RAB30: variants seen among roughly 807,000 people sequenced by gnomAD.
The protein encoded by RAB30 is ras-related protein Rab-30.
In RAB30, 9 loss-of-function variants were observed where a neutral mutation model predicts 25.1. The observed-to-expected ratio is 0.36, with a 90% CI of 0.22 to 0.63. The LOEUF is 0.63. RAB30 is among the 20% of genes least tolerant of loss of function. The probability of loss-of-function intolerance (pLI) is 0.69; values close to 1 mark genes in which losing one functional copy is unlikely to be tolerated. For synonymous variants in RAB30, 77 were observed against 86.4 expected (o/e 0.89, Z 0.60); for missense variants, 140 against 243.5 (o/e 0.58, Z 2.83).
chr11:83,061,398 A>G (rs888453156), intron 1 of RAB30, among the ~76,000 whole-genome samples: 1 of 152,158 alleles, frequency 6.6e-6, no homozygotes, highest in African/African-American at 2.4e-5. Context: ...GATCAGAAAA[A>G]TTTTTTAAAA....
chr11:83,014,692 A>AAGAAAGAG (rs1565277255), intron 1 of RAB30, among the ~76,000 whole-genome samples: 4 of 138,550 alleles, frequency 2.9e-5, no homozygotes, highest in African/African-American at 5.6e-5. Flanking sequence ...GAAAGAAAGA[A>AAGAAAGAG]AGAGAAAGGA....
chr11:83,064,484 C>T (rs1023978896), intron 1 of RAB30, among the ~76,000 whole-genome samples: 11 of 152,194 alleles, frequency 7.2e-5, no homozygotes, highest in Non-Finnish European at 1.6e-4. Context: ...GATTTGGGAA[C>T]AGCTAATGTT....
chr11:82,998,707 T>G (rs1226194590), intron 1 of RAB30, among the ~76,000 whole-genome samples: 1 of 139,876 alleles, frequency 7.1e-6, no homozygotes, highest in African/African-American at 2.8e-5. Flanking sequence ...AAAAGTTAAA[T>G]AATGAAAAAA....
At chr11:83,020,135 T>C (rs999084311) in intron 1 of RAB30, among the ~76,000 whole-genome samples, 1 of 152,132 alleles carries the variant, frequency 6.6e-6, no homozygotes, top group African/African-American at 2.4e-5. Context: ...GGCCTCCCAC[T>C]CCACGGAGCA....
intron 1 of RAB30, among the ~76,000 whole-genome samples, chr11:83,012,586 T>G (rs370903637): frequency 1.3e-5 from 2 of 152,292 alleles, no homozygotes; most frequent in East Asian, 1.9e-4. Flanking sequence ...TCAATACCTA[T>G]CCTATGTGTA....
chr11:83,003,769 C>A (rs1420581552), intron 1 of RAB30, among the ~76,000 whole-genome samples: 1 of 151,626 alleles, frequency 6.6e-6, no homozygotes, highest in African/African-American at 2.4e-5. Flanking sequence ...TATTTTATTA[C>A]AAATTTGTTA....
intron 2 of RAB30, among the ~76,000 whole-genome samples, chr11:82,994,898 A>C (rs1299545016): frequency 6.6e-6 from 1 of 152,042 alleles, no homozygotes; most frequent in Non-Finnish European, 1.5e-5. Flanking sequence ...CAAACCACTC[A>C]CCCTCTCTGG....
chr11:82,996,145 A>AT (rs1856952941), intron 2 of RAB30, among the ~76,000 whole-genome samples: 1 of 152,238 alleles, frequency 6.6e-6, no homozygotes, highest in Non-Finnish European at 1.5e-5. Context: ...CATGGGTTCT[A>AT]TTCACTTATC....
At chr11:82,997,382 T>C in intron 1 of RAB30, 58 bp from the exon 2 acceptor site, 2 of 1,227,998 alleles carry the variant, frequency 1.6e-6, no homozygotes, top group South Asian at 2.4e-5. Context: ...CCCACAGAGC[T>C]CAAGCTGCAC....
chr11:83,039,751 G>A (rs893937181), intron 1 of RAB30, among the ~76,000 whole-genome samples: 3 of 152,186 alleles, frequency 2.0e-5, no homozygotes, highest in Non-Finnish European at 4.4e-5. Flanking sequence ...AGCTGAGAAA[G>A]GAGGCGGTCT....
intron 4 of RAB30, among the ~76,000 whole-genome samples, chr11:82,985,388 G>A (rs903952889): frequency 6.6e-6 from 1 of 152,142 alleles, no homozygotes; most frequent in Admixed American, 6.5e-5. Flanking sequence ...GAACAAAAAA[G>A]AATCAAGCAT....
Position 82,973,444 on chromosome 11 carries a change from AG to A in RAB30, c.*8720del, listed in dbSNP as rs1475294984. On this transcript the variant is annotated 3_prime_UTR_variant, in exon 5 of 5. Transcript: ENST00000527633. ...AAATGCTACTTCATTGAATCCTAAAAGATTGAATGAGTACTCTTATCCAGCA... is the reference window on the plus strand; with the variant it reads ...AAATGCTACTTCATTGAATCCTAAAAATTGAATGAGTACTCTTATCCAGCA... 1 of 152,232 alleles carries A rather than the reference AG, an allele frequency of 6.6e-6. No homozygotes were observed. The allele number at this position is 152,232 out of a possible 1,614,324, so 9.4% of individuals were successfully genotyped here. A position where few individuals can be genotyped will look rare whatever the true frequency, so the allele number is the denominator to read the frequency against.
chr11:83,064,671 T>C (rs145805399), intron 1 of RAB30, among the ~76,000 whole-genome samples: 73 of 152,340 alleles, frequency 4.8e-4, no homozygotes, highest in African/African-American at 1.7e-3. Context: ...GGAAAATCAC[T>C]ACCTCCTGAA....
At chr11:82,993,481 T>G (rs1856898430) in intron 3 of RAB30, among the ~76,000 whole-genome samples, 1 of 152,240 alleles carries the variant, frequency 6.6e-6, no homozygotes, top group East Asian at 1.9e-4. Flanking sequence ...TTCTCTCCTT[T>G]GTCCTGTTCC....
intron 1 of RAB30, among the ~76,000 whole-genome samples, chr11:83,061,713 T>TC (rs1858585652): frequency 2.1e-5 from 3 of 141,912 alleles, no homozygotes; most frequent in Non-Finnish European, 3.1e-5. Context: ...TTCTTTTCTT[T>TC]TTTTTTTTTT....
intron 1 of RAB30, among the ~76,000 whole-genome samples, chr11:83,049,644 G>A (rs1012948743): frequency 3.3e-5 from 5 of 151,774 alleles, no homozygotes; most frequent in Non-Finnish European, 7.4e-5. Context: ...ACCATGCCTG[G>A]TTAATTTTTT....
intron 1 of RAB30, among the ~76,000 whole-genome samples, chr11:83,015,940 C>A (rs569238893): frequency 6.6e-6 from 1 of 152,238 alleles, no homozygotes; most frequent in Admixed American, 6.5e-5. Flanking sequence ...CAGTTTGAGA[C>A]CAGCTTGGGC....
At chr11:83,022,826 T>C (rs1459725258) in intron 1 of RAB30, among the ~76,000 whole-genome samples, 2 of 152,110 alleles carry the variant, frequency 1.3e-5, no homozygotes, top group East Asian at 3.8e-4. Flanking sequence ...GATCATTTTG[T>C]TTTTTGTTTT....
At chr11:83,028,223 TAGC>T (rs1857771003) in intron 1 of RAB30, among the ~76,000 whole-genome samples, 1 of 152,318 alleles carries the variant, frequency 6.6e-6, no homozygotes, top group South Asian at 2.1e-4. Flanking sequence ...GACAACATAA[TAGC>T]AGACTTTTTT....
Sources: gnomAD v4.1 joint callset for allele counts (sites outside exome capture counted in the v4.1 genomes callset) on GRCh38, gnomAD v4.1.1 for gene constraint, MANE v1.5 for transcripts, NCBI Gene and HGNC (gene_info 2026-07-23, HGNC 2026-07-21) for gene names.